USP34: variants seen among roughly 807,000 people sequenced by gnomAD.
The protein encoded by USP34 is ubiquitin carboxyl-terminal hydrolase 34.
USP34 carries 70 observed loss-of-function variants against 460.3 expected under a neutral mutation model. The observed-to-expected ratio is 0.15, with a 90% CI of 0.13 to 0.19. The LOEUF (loss-of-function observed/expected upper bound fraction) is 0.19, where lower values mean the gene tolerates loss of function less well. USP34 is among the 10% of genes least tolerant of loss of function. The probability of loss-of-function intolerance (pLI) is 1.00; values close to 1 mark genes in which losing one functional copy is unlikely to be tolerated. For synonymous variants in USP34, 1,647 were observed against 1,405.3 expected, an observed-to-expected ratio of 1.17 and a Z score of -3.85; for missense variants, 3,985 against 4,236.2, an observed-to-expected ratio of 0.94 and a Z score of 1.65.
chr2:61,230,840 G>A (rs1421822763), intron 58 of USP34, among the ~76,000 whole-genome samples: 5 of 101,780 alleles, frequency 4.9e-5, no homozygotes, highest in South Asian at 5.7e-4. Flanking sequence ...GCGAAACTCC[G>A]TCTCAAAAAA....
chr2:61,390,675 G>A (rs960823071), intron 5 of USP34, among the ~76,000 whole-genome samples: 3 of 152,060 alleles, frequency 2.0e-5, no homozygotes, highest in Non-Finnish European at 2.9e-5. Flanking sequence ...TGGGCTTGAC[G>A]TTATTATCAG....
Position 61,237,949 on chromosome 2 carries a change from T to C in USP34, c.6778-1560A>G, listed in dbSNP as rs895901260. ...TTCGTTCTTGTTGCCCAGGCTGGAG[T>C]GCAATGGCGCGATCTCGGCTCACGG... On this transcript the variant is annotated intron_variant, in intron 53 of 79. Coordinates refer to ENST00000398571, the MANE Select transcript of USP34 (RefSeq NM_014709.4). Among the ~76,000 whole-genome samples, 9 of 151,716 alleles carry C rather than the reference T, an allele frequency of 5.9e-5. No individual in the cohort carries two copies. The South Asian group carries it at 1.9e-3, about 32-fold the overall frequency.
intron 64 of USP34, 57 bp from the exon 65 acceptor site, chr2:61,222,720 A>G: frequency 6.5e-7 from 1 of 1,532,006 alleles, no homozygotes; most frequent in Non-Finnish European, 9.0e-7. Flanking sequence ...TTTTTGAGAC[A>G]GGGTTTCGCT....
chr2:61,370,411 A>T lies in USP34; in HGVS notation c.1161T>A (p.Ile387=). Residue 387 remains isoleucine (I), a splice_region_variant and synonymous_variant, in exon 10 of 80, where the codon ATT becomes ATA. Coordinates refer to ENST00000398571, the MANE Select transcript of USP34 (RefSeq NM_014709.4). The part of the protein sequence containing the change: ...HIFGPNLHIE[I]IKQCQVILNF... ...TCAAAATCACTTGGCACTGTTTGAT[A>T]ATCTGGAAAAGAAAAACTTAATATC... 1.9e-6 allele frequency: 3 copies of T among 1,613,930 alleles called. No individual in the cohort carries two copies. Among genetic ancestry groups the T allele is most frequent in the Non-Finnish European group, 2.5e-6 (3 of 1,179,940 alleles).
At chr2:61,194,314 T>C (rs1279307972) in intron 75 of USP34, 2 of 985,162 alleles carry the variant, frequency 2.0e-6, no homozygotes, top group Admixed American at 1.2e-4. Context: ...CACCACGGTA[T>C]CACCACACAC....
intron 22 of USP34, among the ~76,000 whole-genome samples, chr2:61,318,219 A>G (rs1690811455): frequency 6.6e-6 from 1 of 151,760 alleles, no homozygotes; most frequent in African/African-American, 2.4e-5. Context: ...GAAAATATAT[A>G]TGTGATTTAA....
intron 37 of USP34, among the ~76,000 whole-genome samples, chr2:61,281,572 T>C (rs1399189547): frequency 6.6e-6 from 1 of 152,154 alleles, no homozygotes; most frequent in Non-Finnish European, 1.5e-5. Context: ...ATGCCACTGC[T>C]CTCCAGACTG....
intron 5 of USP34, among the ~76,000 whole-genome samples, chr2:61,387,957 A>G (rs1046410127): frequency 7.8e-5 from 11 of 141,228 alleles, no homozygotes; most frequent in Admixed American, 6.3e-4. Context: ...ACACACACAC[A>G]CATATATATA....
In USP34 at chr2:61,331,264, A is replaced by G; in HGVS notation, c.2930+12T>C. 6.3e-7 allele frequency: 1 copy of G among 1,599,018 alleles called. No individual in the cohort carries two copies. The highest frequency in any genetic ancestry group is 8.5e-7 in the Non-Finnish European group (1 of 1,170,412). On this transcript the variant is annotated intron_variant, in intron 20 of 79. Coordinates refer to ENST00000398571, the MANE Select transcript of USP34 (RefSeq NM_014709.4). ...GACACAAATGTATTTAACCCAGTTG[A>G]GAGGTACTTACAGTGCATGTTTTTG... is the stretch of plus-strand genomic sequence containing the variant.
chr2:61,196,993 G>A (rs1230550469), intron 75 of USP34, among the ~76,000 whole-genome samples: 2 of 152,212 alleles, frequency 1.3e-5, no homozygotes, highest in Non-Finnish European at 1.5e-5. Flanking sequence ...GATGGAAATA[G>A]GCCAGGCGTG....
intron 2 of USP34, among the ~76,000 whole-genome samples, chr2:61,418,985 G>A (rs935730838): frequency 6.6e-6 from 1 of 151,972 alleles, no homozygotes; most frequent in African/African-American, 2.4e-5. Context: ...ATTAAAATAT[G>A]TGTTTATTAA....
At chr2:61,350,763 A>C in intron 10 of USP34, 70 bp from the exon 11 acceptor site, 1 of 1,503,194 alleles carries the variant, frequency 6.7e-7, no homozygotes, top group Non-Finnish European at 8.9e-7. Context: ...TGATATAAAA[A>C]CAGTTTGAAA....
chr2:61,263,449 G>A (rs1030390540), intron 43 of USP34, among the ~76,000 whole-genome samples: 3 of 151,494 alleles, frequency 2.0e-5, no homozygotes, highest in African/African-American at 7.3e-5. Flanking sequence ...CCAAAGTGCT[G>A]GGATTACAGG....
chr2:61,351,206 A>C (rs1029544761), intron 10 of USP34, among the ~76,000 whole-genome samples: 1 of 152,262 alleles, frequency 6.6e-6, no homozygotes, highest in Admixed American at 6.5e-5. Flanking sequence ...GTAAATTAAA[A>C]TACAAATAAG....
chr2:61,408,997 AT>A (rs1693961952), intron 2 of USP34, among the ~76,000 whole-genome samples: 1 of 152,146 alleles, frequency 6.6e-6, no homozygotes, highest in South Asian at 2.1e-4. Flanking sequence ...AAGTGGGCAG[AT>A]GACTAGAGGC....
intron 67 of USP34, among the ~76,000 whole-genome samples, chr2:61,217,638 G>C (rs4672424): frequency 0.52 from 78,723 of 152,014 alleles, 20,805 homozygotes; most frequent in South Asian, 0.73. Context: ...CACTAGAATC[G>C]CTAAAACAGT....
At chr2:61,297,859 C>A (rs1035378391) in intron 29 of USP34, among the ~76,000 whole-genome samples, 1 of 152,116 alleles carries the variant, frequency 6.6e-6, no homozygotes, top group Admixed American at 6.6e-5. Flanking sequence ...TCTCCAATGT[C>A]AAGGAAATCT....
intron 3 of USP34, among the ~76,000 whole-genome samples, 179 bp downstream of exon 3, chr2:61,405,529 T>C (rs989080078): frequency 1.3e-5 from 2 of 152,234 alleles, no homozygotes; most frequent in Non-Finnish European, 2.9e-5. Context: ...GGATGAACTA[T>C]GCCGAGCAAA....
At chr2:61,438,892 G>A (rs1221400054) in intron 1 of USP34, among the ~76,000 whole-genome samples, 1 of 152,148 alleles carries the variant, frequency 6.6e-6, no homozygotes, top group East Asian at 1.9e-4. Flanking sequence ...TGCAGCTGCA[G>A]ATGACATGAC....
Sources: allele counts gnomAD v4.1 joint callset (sites outside exome capture counted in the v4.1 genomes callset), GRCh38; gene constraint gnomAD v4.1.1; transcripts MANE v1.5; gene names NCBI Gene and HGNC (gene_info 2026-07-23, HGNC 2026-07-21).